SYNJ1: variants seen among roughly 807,000 people sequenced by gnomAD.
SYNJ1 encodes the protein polyphosphatidylinositol phosphatase SYNJ1.
A neutral mutation model predicts 168.2 loss-of-function variants in SYNJ1; 78 were observed. The observed-to-expected ratio is 0.46, with a 90% CI of 0.39 to 0.56. The LOEUF (loss-of-function observed/expected upper bound fraction) is 0.56, where lower values mean the gene tolerates loss of function less well. SYNJ1 is among the 20% of genes least tolerant of loss of function. The pLI is 0.00. For synonymous variants in SYNJ1, 539 were observed against 548.6 expected (o/e 0.98, Z 0.24); for missense variants, 1,303 against 1,597.6 (o/e 0.82, Z 3.14).
At chr21:32,709,539 CAG>C (rs1418374103) in intron 2 of SYNJ1, among the ~76,000 whole-genome samples, 5 of 119,400 alleles carry the variant, frequency 4.2e-5, no homozygotes, top group African/African-American at 1.6e-4. Context: ...TTTTTTGAGA[CAG>C]AGTCTCACTC....
chr21:32,672,723 T>G (rs936918430), intron 14 of SYNJ1, among the ~76,000 whole-genome samples: 5 of 152,206 alleles, frequency 3.3e-5, no homozygotes, highest in African/African-American at 1.2e-4. Context: ...CCAAACTGAA[T>G]GCCAACAAAG....
chr21:32,689,969 G>C (rs187922973), intron 6 of SYNJ1, among the ~76,000 whole-genome samples: 59 of 152,300 alleles, frequency 3.9e-4, no homozygotes, highest in African/African-American at 1.2e-3. Flanking sequence ...TTTCTTTGGA[G>C]TAATCCCAGA....
At chr21:32,651,953 G>A (rs1033959048) in intron 22 of SYNJ1, among the ~76,000 whole-genome samples, 9 of 152,184 alleles carry the variant, frequency 5.9e-5, no homozygotes, top group African/African-American at 1.9e-4. Context: ...TTGTGTTTGC[G>A]TATATGCATA....
At chr21:32,715,182 A>G (rs2042976564) in intron 2 of SYNJ1, among the ~76,000 whole-genome samples, 3 of 152,178 alleles carry the variant, frequency 2.0e-5, no homozygotes, top group African/African-American at 7.2e-5. Context: ...AAAAATAAAA[A>G]CAAAAAGAGG....
chr21:32,671,983 C>T (rs1025453193), intron 14 of SYNJ1, among the ~76,000 whole-genome samples: 29 of 133,796 alleles, frequency 2.2e-4, no homozygotes, highest in Non-Finnish European at 1.5e-4. Context: ...CGTTTGAACT[C>T]GGGAGGTAGA....
chr21:32,710,455 G>C (rs184335207), intron 2 of SYNJ1, among the ~76,000 whole-genome samples: 23 of 152,232 alleles, frequency 1.5e-4, no homozygotes, highest in Non-Finnish European at 4.4e-5. Flanking sequence ...AATTCTAAGG[G>C]ATCAGAGAAG....
Position 32,644,567 on chromosome 21 carries a change from C to T in SYNJ1, c.3430+401G>A, listed in dbSNP as rs149406323. On this transcript the variant is annotated intron_variant, in intron 26 of 32. Transcript: ENST00000674351. ...AAACTATACTTCAAACAAAAAGTGA[C>T]CCTTTGTGAATAAAAATTTCCTTAT... is the stretch of plus-strand genomic sequence containing the variant. Among the ~76,000 whole-genome samples, 675 of 152,252 alleles carry T rather than the reference C, an allele frequency of 4.4e-3. 1 individual carries two copies. Among genetic ancestry groups the T allele is most frequent in the Non-Finnish European group, 7.4e-3 (506 of 67,998 alleles).
intron 3 of SYNJ1, among the ~76,000 whole-genome samples, chr21:32,700,735 C>T (rs1440721401): frequency 2.0e-5 from 3 of 152,124 alleles, no homozygotes; most frequent in Non-Finnish European, 2.9e-5. Flanking sequence ...TCTACTTTTG[C>T]TTAATGATTG....
chr21:32,678,939 T>C, intron 11 of SYNJ1, 138 bp from the exon 12 acceptor site: 1 of 1,144,170 alleles, frequency 8.7e-7, no homozygotes, highest in Non-Finnish European at 1.2e-6. Flanking sequence ...ATTTTGAATA[T>C]ATAGTCATGA....
intron 18 of SYNJ1, among the ~76,000 whole-genome samples, chr21:32,663,020 AT>A (rs2040778153): frequency 1.3e-5 from 2 of 152,206 alleles, no homozygotes; most frequent in South Asian, 4.1e-4. Flanking sequence ...GATGAACTAA[AT>A]GTGCCAGTAC....
intron 2 of SYNJ1, 64 bp downstream of exon 2, chr21:32,726,708 G>C: frequency 1.9e-6 from 3 of 1,573,490 alleles, no homozygotes; most frequent in Non-Finnish European, 8.6e-7. Flanking sequence ...AAAAATGGTT[G>C]CATCTGAATT....
At chr21:32,681,100 C>T (rs537777059) in intron 11 of SYNJ1, among the ~76,000 whole-genome samples, 7 of 152,176 alleles carry the variant, frequency 4.6e-5, no homozygotes, top group East Asian at 1.9e-4. Flanking sequence ...GTGCAGGGAA[C>T]GCAAAGCCAA....
At chr21:32,641,501 C>T (rs1031077593) in intron 29 of SYNJ1, among the ~76,000 whole-genome samples, 1 of 152,006 alleles carries the variant, frequency 6.6e-6, no homozygotes, top group African/African-American at 2.4e-5. Flanking sequence ...ACCAGTTTTA[C>T]TATACTGAAT....
chr21:32,663,482 G>A (rs1217113522), intron 18 of SYNJ1, among the ~76,000 whole-genome samples: 1 of 152,146 alleles, frequency 6.6e-6, no homozygotes, highest in Non-Finnish European at 1.5e-5. Context: ...TGTATATGTG[G>A]GCATAGAGCT....
intron 3 of SYNJ1, 144 bp from the exon 4 acceptor site, chr21:32,700,249 A>C (rs894694526): frequency 1.1e-6 from 1 of 931,874 alleles, no homozygotes; most frequent in Non-Finnish European, 1.6e-6. Context: ...TAGACATTTT[A>C]GTTGAAAAAA....
rs187143364 is a variant in SYNJ1 at position 32,721,027 on chromosome 21, T to C, written c.124+5745A>G. ...TAAACTGGAGAAAGACTAAGAACAA[T>C]GAATTGTACACAAAGCTGAGAGACA... On this transcript the variant is annotated intron_variant, in intron 2 of 32. Transcript: ENST00000674351. Among the ~76,000 whole-genome samples, 21 of 152,332 alleles carry C rather than the reference T, an allele frequency of 1.4e-4. No individual in the cohort carries two copies. In the East Asian group the frequency reaches 3.7e-3, roughly 27 times the overall value.
At chr21:32,698,758 G>T (rs1167708087) in intron 4 of SYNJ1, among the ~76,000 whole-genome samples, 1 of 152,084 alleles carries the variant, frequency 6.6e-6, no homozygotes, top group Non-Finnish European at 1.5e-5. Flanking sequence ...TATAGTACTA[G>T]ATTTTGTCCC....
Position 32,685,904 on chromosome 21 carries a change from G to A in SYNJ1, c.962C>T (p.Ala321Val). 6.2e-7 allele frequency: 1 copy of A among 1,603,468 alleles called. No individual in the cohort carries two copies. Among genetic ancestry groups the A allele is most frequent in the African/African-American group, 1.3e-5 (1 of 74,386 alleles). Residue 321 changes from alanine (A) to valine (V), a missense_variant, in exon 9 of 33, where the codon GCT becomes GTT. By Grantham distance (64) the Ala-to-Val change is moderately conservative. Transcript: ENST00000674351. ...LSKAFQSHLK[A>V]SEHAADIQMV... ...CTGGATATCAGCAGCATGTTCAGAA[G>A]CTTTCAAATGACTCTGAAAGTAAAA...
intron 12 of SYNJ1, among the ~76,000 whole-genome samples, chr21:32,676,975 A>ATGGTT (rs1490485256): frequency 6.6e-6 from 1 of 152,240 alleles, no homozygotes; most frequent in East Asian, 1.9e-4. Context: ...TACATGTTAA[A>ATGGTT]TGGTTATGAA....
Sources: gnomAD v4.1 joint callset for allele counts (sites outside exome capture counted in the v4.1 genomes callset) on GRCh38, gnomAD v4.1.1 for gene constraint, MANE v1.5 for transcripts, NCBI Gene and HGNC (gene_info 2026-07-23, HGNC 2026-07-21) for gene names.